PPP4R3A: variants seen among roughly 807,000 people sequenced by gnomAD.
PPP4R3A encodes protein phosphatase 4 regulatory subunit 3A.
PPP4R3A carries 15 observed loss-of-function variants against 91.7 expected under a neutral mutation model. The observed-to-expected ratio is 0.16, with a 90% CI of 0.11 to 0.25. The LOEUF (loss-of-function observed/expected upper bound fraction) is 0.25, where lower values mean the gene tolerates loss of function less well. PPP4R3A is among the 10% of genes least tolerant of loss of function. The probability of loss-of-function intolerance (pLI) is 1.00; values close to 1 mark genes in which losing one functional copy is unlikely to be tolerated. For missense variants in PPP4R3A, 623 were observed against 998.4 expected, an observed-to-expected ratio of 0.62 and a Z score of 5.07; for synonymous variants, 377 against 348.7, an observed-to-expected ratio of 1.08 and a Z score of -0.91.
intron 14 of PPP4R3A, 121 bp from the exon 15 acceptor site, chr14:91,458,990 G>T: frequency 1.7e-6 from 2 of 1,152,190 alleles, no homozygotes; most frequent in Non-Finnish European, 2.4e-6. Flanking sequence ...ATTTCTGGGT[G>T]GTGGGACTGT....
In PPP4R3A at chr14:91,476,581, T is replaced by C. The variant is rs1305187715; in HGVS notation, c.994-57A>G. ...AAAGTTTATTTTATTTATTTATTTA[T>C]TGAGACGGAGTCTTGCTCTTGTTGC... On this transcript the variant is annotated intron_variant, in intron 5 of 14. Transcript: ENST00000554943. 1.3e-5 allele frequency: 16 copies of C among 1,272,096 alleles called. No homozygotes were observed. In the East Asian group the frequency reaches 2.3e-4, roughly 18 times the overall value. The allele number at this position is 1,272,096 out of a possible 1,614,324, so 78.8% of individuals were successfully genotyped here. A position where few individuals can be genotyped will look rare whatever the true frequency, so the allele number is the denominator to read the frequency against.
intron 3 of PPP4R3A, among the ~76,000 whole-genome samples, chr14:91,483,177 C>T (rs1889676329): frequency 6.6e-6 from 1 of 151,878 alleles, no homozygotes; most frequent in South Asian, 2.1e-4. Flanking sequence ...TTATCTTGGC[C>T]CTAGAATTTG....
Position 91,473,293 on chromosome 14 carries a change from A to G in PPP4R3A, c.1344T>C (p.Leu448=), listed in dbSNP as rs775358217. The change falls in exon 8 of 15, where the codon CTT becomes CTC. Residue 448 remains leucine, a synonymous_variant. Transcript: ENST00000554943. ...TDPELGGAVQ[L]MGLLRTLVDP... Reference sequence around the variant, plus strand: ...CAACTAAAGTTCGAAGCAGGCCCATAAGCTGGACTGCTCCTCCAAGTTCAG... The same window carrying G: ...CAACTAAAGTTCGAAGCAGGCCCATGAGCTGGACTGCTCCTCCAAGTTCAG... The G allele has an allele frequency of 1.5e-5, 24 of 1,614,098 alleles. No homozygotes were observed. The highest frequency in any genetic ancestry group is 2.0e-5 in the Non-Finnish European group (24 of 1,180,002).
chr14:91,470,772 G>T, intron 10 of PPP4R3A, 65 bp downstream of exon 10: 1 of 1,543,964 alleles, frequency 6.5e-7, no homozygotes, highest in Non-Finnish European at 8.8e-7. Context: ...TTTCATTTGG[G>T]CAATAAGATG....
In PPP4R3A at chr14:91,462,757, G is replaced by A. The variant is rs776229776; in HGVS notation, c.1951C>T (p.Gln651Ter). ...TACCTGTCAAGTTTGGGATTATCTT[G>A]CCTTTCTCTTTGTTGTTCAAATCTC... ...KLRFEQQRER[Q>*]DNPKLDSMRS... The change falls in exon 12 of 15, where the codon CAA (glutamine) becomes TAA (stop). Residue 651 changes from glutamine (Q) to a stop codon, truncating the protein, a stop_gained. Coordinates refer to ENST00000554943, the MANE Select transcript of PPP4R3A (RefSeq NM_001366432.2). LOFTEE classifies it high-confidence loss of function. 6.2e-7 allele frequency: 1 copy of A among 1,613,588 alleles called. No individual in the cohort carries two copies. Among genetic ancestry groups the A allele is most frequent in the South Asian group, 1.1e-5 (1 of 91,072 alleles).
At chr14:91,470,074 C>T (rs1888747126) in intron 10 of PPP4R3A, among the ~76,000 whole-genome samples, 1 of 152,032 alleles carries the variant, frequency 6.6e-6, no homozygotes, top group African/African-American at 2.4e-5. Flanking sequence ...AACACTCAAA[C>T]TTACCTTTAA....
intron 1 of PPP4R3A, among the ~76,000 whole-genome samples, chr14:91,504,519 T>G (rs1223204112): frequency 6.6e-6 from 1 of 151,576 alleles, no homozygotes; most frequent in Non-Finnish European, 1.5e-5. Context: ...GGAGAATCGC[T>G]TGAACCCGGG....
chr14:91,465,229 A>T, intron 11 of PPP4R3A, 21 bp downstream of exon 11: 1 of 1,468,400 alleles, frequency 6.8e-7, no homozygotes, highest in Non-Finnish European at 9.0e-7. Context: ...TGAAAATTCT[A>T]ATTAAAAATA....
At chr14:91,500,281 A>C (rs1263182859) in intron 1 of PPP4R3A, among the ~76,000 whole-genome samples, 1 of 151,958 alleles carries the variant, frequency 6.6e-6, no homozygotes, top group Non-Finnish European at 1.5e-5. Flanking sequence ...GCTCACTGCA[A>C]CCTCCACCTC....
chr14:91,484,546 T>C lies in PPP4R3A; in HGVS notation c.297+1086A>G, dbSNP rs571394933. On this transcript the variant is annotated intron_variant, in intron 3 of 14. Coordinates refer to ENST00000554943, the MANE Select transcript of PPP4R3A (RefSeq NM_001366432.2). ...TATGGCCTGCAAAGCCTTAAATATTTACTATCTTGTTTTTTACAGAGAAAA... is the reference window on the plus strand; with the variant it reads ...TATGGCCTGCAAAGCCTTAAATATTCACTATCTTGTTTTTTACAGAGAAAA... Among the ~76,000 whole-genome samples, 8 of 152,378 alleles carry C rather than the reference T, an allele frequency of 5.3e-5. No individual in the cohort carries two copies. In the South Asian group the frequency reaches 1.7e-3, roughly 32 times the overall value.
chr14:91,471,186 A>G (rs1184126237), intron 9 of PPP4R3A, among the ~76,000 whole-genome samples, 191 bp from the exon 10 acceptor site: 1 of 152,044 alleles, frequency 6.6e-6, no homozygotes, highest in Non-Finnish European at 1.5e-5. Flanking sequence ...TTTTTTATTT[A>G]ATTTTAACAA....
At chr14:91,478,107 T>C (rs1229953539) in intron 4 of PPP4R3A, among the ~76,000 whole-genome samples, 1 of 152,206 alleles carries the variant, frequency 6.6e-6, no homozygotes, top group Non-Finnish European at 1.5e-5. Flanking sequence ...AGAAAAATCT[T>C]CTGTGGCACT....
intron 4 of PPP4R3A, among the ~76,000 whole-genome samples, 174 bp from the exon 5 acceptor site, chr14:91,477,160 A>G (rs1335654544): frequency 6.6e-6 from 1 of 151,404 alleles, no homozygotes; most frequent in Non-Finnish European, 1.5e-5. Context: ...AAAGTATAAA[A>G]TTTTGTCAAG....
At chr14:91,472,021 C>T (rs12893324) in intron 9 of PPP4R3A, among the ~76,000 whole-genome samples, 54,606 of 146,322 alleles carry the variant, frequency 0.37, 10,446 homozygotes, top group Middle Eastern at 0.47. Flanking sequence ...GCCGAGATCC[C>T]GCCACCACAC....
At chr14:91,504,564 T>C (rs1350186334) in intron 1 of PPP4R3A, among the ~76,000 whole-genome samples, 2 of 150,404 alleles carry the variant, frequency 1.3e-5, no homozygotes, top group African/African-American at 4.9e-5. Flanking sequence ...ATTGTGCCAT[T>C]GCACTCCGGC....
At chr14:91,507,395 G>A (rs10137283) in intron 1 of PPP4R3A, among the ~76,000 whole-genome samples, 34,829 of 69,364 alleles carry the variant, frequency 0.5, 11,429 homozygotes, top group East Asian at 0.86. Context: ...TATAGTATAT[G>A]TACTATAATT....
chr14:91,477,066 A>G, intron 4 of PPP4R3A, 80 bp from the exon 5 acceptor site: 1 of 1,072,358 alleles, frequency 9.3e-7, no homozygotes, highest in East Asian at 2.8e-5. Context: ...TTTAATATAC[A>G]CAGCAATAAC....
intron 4 of PPP4R3A, among the ~76,000 whole-genome samples, chr14:91,479,162 T>C (rs1488581548): frequency 6.6e-6 from 1 of 152,048 alleles, no homozygotes; most frequent in Non-Finnish European, 1.5e-5. Flanking sequence ...TTTGTAGTTT[T>C]AGTAGAGACG....
chr14:91,459,668 C>T (rs1887999377), intron 14 of PPP4R3A, among the ~76,000 whole-genome samples: 1 of 151,734 alleles, frequency 6.6e-6, no homozygotes. Flanking sequence ...AACCCTGTCT[C>T]TAATAAAATT....
Sources: allele counts gnomAD v4.1 joint callset (sites outside exome capture counted in the v4.1 genomes callset), GRCh38; gene constraint gnomAD v4.1.1; transcripts MANE v1.5; gene names NCBI Gene and HGNC (gene_info 2026-07-23, HGNC 2026-07-21).